The following FERRY3 variants were observed in gnomAD, a reference collection of about 807,000 sequenced individuals.
FERRY3 encodes the protein FERRY endosomal RAB5 effector complex subunit 3, also known as protein C12orf4.
the FERRY3 span, among the ~76,000 whole-genome samples, chr12:4,507,503 T>C: frequency 7.3e-5 from 11 of 150,002 alleles, no homozygotes; most frequent in African/African-American, 2.5e-4. Flanking sequence ...ATTATAAACG[T>C]ATGTGTCCTT....
chr12:4,538,464 T>C, the FERRY3 span: 19 of 176,964 alleles, frequency 1.1e-4, no homozygotes, highest in Non-Finnish European at 1.9e-4. Context: ...CAGCGCGTCC[T>C]GCACTGGGAA....
At chr12:4,536,336 T>C in the FERRY3 span, 5 of 513,886 alleles carry the variant, frequency 9.7e-6, no homozygotes, top group Non-Finnish European at 1.6e-5. Context: ...CCAATTATTC[T>C]AGTTTTTCCC....
the FERRY3 span, among the ~76,000 whole-genome samples, chr12:4,507,359 T>A: frequency 1.3e-5 from 2 of 152,190 alleles, no homozygotes; most frequent in Non-Finnish European, 2.9e-5. Context: ...TGTTAGGATA[T>A]ACTTCTATAG....
chr12:4,513,879 C>A, the FERRY3 span, among the ~76,000 whole-genome samples: 2 of 151,876 alleles, frequency 1.3e-5, no homozygotes, highest in Non-Finnish European at 2.9e-5. Context: ...GCAACAAAAG[C>A]CAAAATTGAC....
At chr12:4,536,107 C>A in the FERRY3 span, 54 of 1,609,774 alleles carry the variant, frequency 3.4e-5, no homozygotes, top group Non-Finnish European at 2.7e-5. Flanking sequence ...TTGAGTGGCA[C>A]TCTCAGTTCT....
the FERRY3 span, among the ~76,000 whole-genome samples, chr12:4,516,537 G>T: frequency 6.6e-6 from 1 of 152,132 alleles, no homozygotes; most frequent in East Asian, 1.9e-4. Flanking sequence ...GGTATAAAAG[G>T]GAATGAGATC....
chr12:4,505,030 G>C, the FERRY3 span, among the ~76,000 whole-genome samples: 1 of 152,292 alleles, frequency 6.6e-6, no homozygotes, highest in African/African-American at 2.4e-5. Context: ...GCTTGAACCC[G>C]GGTGGCAGAG....
the FERRY3 span, among the ~76,000 whole-genome samples, chr12:4,532,813 G>T: frequency 6.6e-6 from 1 of 152,004 alleles, no homozygotes; most frequent in Non-Finnish European, 1.5e-5. Flanking sequence ...CTGTCTTGCC[G>T]ATATCCTCAA....
At chr12:4,529,664 G>A in the FERRY3 span, among the ~76,000 whole-genome samples, 1 of 152,100 alleles carries the variant, frequency 6.6e-6, no homozygotes, top group Non-Finnish European at 1.5e-5. Context: ...CATTTACTTA[G>A]TTAAACCACT....
At chr12:4,513,573 C>T in the FERRY3 span, among the ~76,000 whole-genome samples, 5 of 151,662 alleles carry the variant, frequency 3.3e-5, no homozygotes, top group African/African-American at 1.2e-4. Context: ...AGAACAGAGC[C>T]CTCAGAAATA....
chr12:4,499,544 A>C, the FERRY3 span, among the ~76,000 whole-genome samples: 2 of 152,214 alleles, frequency 1.3e-5, no homozygotes, highest in African/African-American at 2.4e-5. Context: ...ATGGAAAAAG[A>C]CTGTTAAAAA....
the FERRY3 span, chr12:4,536,016 C>T: frequency 6.5e-7 from 1 of 1,537,412 alleles, no homozygotes. Flanking sequence ...ACAGTCCTCA[C>T]CTTTTTCTAT....
chr12:4,510,548 C>T, the FERRY3 span, among the ~76,000 whole-genome samples: 8 of 148,090 alleles, frequency 5.4e-5, 1 homozygote, highest in South Asian at 4.3e-4. Context: ...GCAGATCTCT[C>T]GGCAGAAACC....
At chr12:4,492,450 G>T in the FERRY3 span, among the ~76,000 whole-genome samples, 1 of 152,176 alleles carries the variant, frequency 6.6e-6, no homozygotes, top group Non-Finnish European at 1.5e-5. Context: ...TTCATCTTTT[G>T]TAAGTAGGCT....
the FERRY3 span, among the ~76,000 whole-genome samples, chr12:4,529,256 A>G: frequency 2.6e-5 from 4 of 152,196 alleles, no homozygotes; most frequent in Non-Finnish European, 4.4e-5. Flanking sequence ...TAATCCATAC[A>G]GCAGGAATTC....
the FERRY3 span, chr12:4,518,985 A>AT: frequency 1.9e-5 from 13 of 693,502 alleles, no homozygotes; most frequent in East Asian, 9.8e-5. Flanking sequence ...GTCTTGCTTA[A>AT]TTTTTTCCTA....
the FERRY3 span, among the ~76,000 whole-genome samples, chr12:4,493,332 C>T: frequency 6.6e-6 from 1 of 152,118 alleles, no homozygotes; most frequent in Non-Finnish European, 1.5e-5. Context: ...ATTACCTTTA[C>T]AATGCCTTCT....
At chr12:4,490,493 T>C in the FERRY3 span, 28 of 1,521,690 alleles carry the variant, frequency 1.8e-5, no homozygotes, top group Middle Eastern at 1.7e-4. Flanking sequence ...AGAGATTAAA[T>C]TGGGGTGAGA....
At chr12:4,488,643 AGTT>A in the FERRY3 span, 1 of 152,170 alleles carries the variant, frequency 6.6e-6, no homozygotes, top group African/African-American at 2.4e-5. This position sits in a 1 kb window ranked among gnomAD's most constrained non-coding sequence, Gnocchi z 4.9. Flanking sequence ...TTTCTATAAT[AGTT>A]ATTACACTGA....
Sources: gnomAD v4.1 joint callset for allele counts (sites outside exome capture counted in the v4.1 genomes callset) on GRCh38, gnomAD v4.1.1 for gene constraint, Gnocchi (gnomAD v3.1) non-coding constraint, MANE v1.5 for transcripts, NCBI Gene and HGNC (gene_info 2026-07-23, HGNC 2026-07-21) for gene names.